The following XYLT1 variants were observed in gnomAD, a reference collection of about 807,000 sequenced individuals.
XYLT1 encodes the protein xylosyltransferase 1.
A neutral mutation model predicts 91.3 loss-of-function variants in XYLT1; 36 were observed. The ratio of observed to expected loss-of-function variants is 0.39; its 90% CI spans 0.30 to 0.52. The LOEUF is 0.52. XYLT1 is among the 20% of genes least tolerant of loss of function. XYLT1 has a pLI of 0.68. For synonymous variants in XYLT1, 588 were observed against 532.0 expected (o/e 1.11, Z -1.45); for missense variants, 1,242 against 1,284.5 (o/e 0.97, Z 0.51).
intron 5 of XYLT1, among the ~76,000 whole-genome samples, chr16:17,186,568 G>T (rs1449650484): frequency 2.0e-5 from 3 of 150,622 alleles, no homozygotes; most frequent in African/African-American, 7.4e-5. Context: ...GCCTCTCAAA[G>T]TGCTGGGATA....
intron 2 of XYLT1, among the ~76,000 whole-genome samples, chr16:17,336,029 G>A (rs147365395): frequency 1.1e-3 from 164 of 152,280 alleles, no homozygotes; most frequent in African/African-American, 3.8e-3. Context: ...CCTACGCTTT[G>A]CCTGGCTGGC....
intron 8 of XYLT1, among the ~76,000 whole-genome samples, chr16:17,136,704 C>CTTTCTCTCCAAGTTCT (rs1263012022): frequency 1.3e-5 from 2 of 152,138 alleles, no homozygotes; most frequent in Admixed American, 1.3e-4. Context: ...CCATATTATT[C>CTTTCTCTCCAAGTTCT]TTTCTCTCCA....
intron 3 of XYLT1, among the ~76,000 whole-genome samples, chr16:17,210,918 C>A (rs1279441737): frequency 6.6e-6 from 1 of 152,190 alleles, no homozygotes; most frequent in African/African-American, 2.4e-5. Context: ...CAGAATCCTG[C>A]CCCCAGAACT....
chr16:17,395,230 C>A (rs1033228789), intron 1 of XYLT1, among the ~76,000 whole-genome samples: 3 of 152,220 alleles, frequency 2.0e-5, no homozygotes, highest in African/African-American at 7.2e-5. Flanking sequence ...GGGAAAACCT[C>A]CCCCCTCATC....
At position 17,104,510 on chromosome 16, in the gene XYLT1, C is replaced by A. The variant is rs1438344351; in HGVS notation, c.*4185G>T. 6.6e-6 allele frequency: 1 copy of A among 152,158 alleles called. No individual in the cohort carries two copies. The highest frequency in any genetic ancestry group is 2.4e-5 in the African/African-American group (1 of 41,420). The allele number at this position is 152,158 out of a possible 1,614,324, so 9.4% of individuals were successfully genotyped here. On this transcript the variant is annotated 3_prime_UTR_variant, in exon 12 of 12. Transcript: ENST00000261381. ...ACATGGGCTGTTATTTTTGCCCTGA[C>A]CTGATGCTGGCTTTTTTCCTCTTCT...
chr16:17,178,826 T>TC (rs1567310067), intron 5 of XYLT1, among the ~76,000 whole-genome samples: 1 of 152,152 alleles, frequency 6.6e-6, no homozygotes. Flanking sequence ...TCCCAGAACT[T>TC]TGTGAGCTCG....
At chr16:17,401,183 G>A (rs1266702385) in intron 1 of XYLT1, among the ~76,000 whole-genome samples, 1 of 152,170 alleles carries the variant, frequency 6.6e-6, no homozygotes, top group Non-Finnish European at 1.5e-5. Flanking sequence ...GGGACACTGG[G>A]CCCTTGGGCT....
At chr16:17,193,559 T>C (rs1307125422) in intron 5 of XYLT1, 5 of 151,320 alleles carry the variant, frequency 3.3e-5, no homozygotes, top group Non-Finnish European at 5.9e-5. Context: ...CACAGGGAGG[T>C]GACGTCAAAT....
intron 5 of XYLT1, among the ~76,000 whole-genome samples, chr16:17,180,511 A>T (rs1397215252): frequency 1.3e-5 from 2 of 152,204 alleles, no homozygotes; most frequent in Non-Finnish European, 1.5e-5. Context: ...TGACTGATGA[A>T]TACAATTAAA....
chr16:17,141,201 C>T lies in XYLT1; in HGVS notation c.1539G>A (p.Leu513=). 1 of 1,614,184 alleles carries T rather than the reference C, an allele frequency of 6.2e-7. No homozygotes were observed. The highest frequency in any genetic ancestry group is 1.1e-5 in the South Asian group (1 of 91,078). Residue 513 remains leucine (L), a synonymous_variant, in exon 7 of 12, where the codon CTG becomes CTA. Transcript: ENST00000261381. ...AGTAGAACTGTTTCATCTTGGTCACCAGATCGTCTGTGGAGAAGGTCACAT... is the reference window on the plus strand; with the variant it reads ...AGTAGAACTGTTTCATCTTGGTCACTAGATCGTCTGTGGAGAAGGTCACAT... ...VEYVTFSTDD[L]VTKMKQFYSY... is the part of the protein sequence containing the mutation.
chr16:17,263,718 TC>T (rs1164068062), intron 2 of XYLT1, among the ~76,000 whole-genome samples: 1 of 152,110 alleles, frequency 6.6e-6, no homozygotes, highest in Non-Finnish European at 1.5e-5. Context: ...TCTTTTCTTT[TC>T]TTTTTTGAGA....
At chr16:17,289,010 C>G (rs2034182706) in intron 2 of XYLT1, among the ~76,000 whole-genome samples, 1 of 152,134 alleles carries the variant, frequency 6.6e-6, no homozygotes, top group Admixed American at 6.5e-5. Context: ...GGCAACCCAG[C>G]TGATAAGAGA....
rs542255405 is a variant in XYLT1 at position 17,291,485 on chromosome 16, T to G, written c.403-31987A>C. ...TCAAGTATGAACAACAGATCCTGTGTGTCCAGCCCAGAACCAATAGAGGGG... is the reference window on the plus strand; with the variant it reads ...TCAAGTATGAACAACAGATCCTGTGGGTCCAGCCCAGAACCAATAGAGGGG... On this transcript the variant is annotated intron_variant, in intron 2 of 11. Transcript: ENST00000261381. 7.2e-5 allele frequency among the ~76,000 whole-genome samples: 11 copies of G among 152,310 alleles called. No homozygotes were observed. The East Asian group carries it at 1.7e-3, about 24-fold the overall frequency.
chr16:17,180,489 G>A (rs773341667), intron 5 of XYLT1, among the ~76,000 whole-genome samples: 2 of 152,136 alleles, frequency 1.3e-5, no homozygotes, highest in Non-Finnish European at 2.9e-5. Flanking sequence ...GGCTCGGTTT[G>A]CCAAGTAATG....
At position 17,125,546 on chromosome 16, in the gene XYLT1, C is replaced by A. The variant is rs371289693; in HGVS notation, c.2223+2120G>T. Among the ~76,000 whole-genome samples, 7 of 152,042 alleles carry A rather than the reference C, an allele frequency of 4.6e-5. No homozygotes were observed. The South Asian group carries it at 8.3e-4, about 18-fold the overall frequency. ...CCTAAGGGCCTTTGTATATGCTCTTCTCTCTGCTTGGAATGCTCCAGATCT... is the reference window on the plus strand; with the variant it reads ...CCTAAGGGCCTTTGTATATGCTCTTATCTCTGCTTGGAATGCTCCAGATCT... On this transcript the variant is annotated intron_variant, in intron 10 of 11. Transcript: ENST00000261381.
At chr16:17,339,046 T>A (rs73523027) in intron 2 of XYLT1, among the ~76,000 whole-genome samples, 1,969 of 152,284 alleles carry the variant, frequency 0.013, 39 homozygotes, top group African/African-American at 0.045. Context: ...AAGAGAGAGA[T>A]AGATGGTGAC....
At chr16:17,416,127 A>G (rs2141916602) in intron 1 of XYLT1, among the ~76,000 whole-genome samples, 1 of 152,356 alleles carries the variant, frequency 6.6e-6, no homozygotes, top group Middle Eastern at 3.4e-3. Context: ...CACTCTGTAG[A>G]ATAAGATGTT....
intron 2 of XYLT1, among the ~76,000 whole-genome samples, chr16:17,293,176 C>G (rs1014786052): frequency 1.1e-4 from 16 of 152,158 alleles, no homozygotes; most frequent in African/African-American, 3.6e-4. Context: ...CGGCTACCCC[C>G]ACTGCTGCCT....
chr16:17,126,567 G>A (rs541342237), intron 10 of XYLT1, among the ~76,000 whole-genome samples: 26 of 152,264 alleles, frequency 1.7e-4, no homozygotes, highest in African/African-American at 6.3e-4. Flanking sequence ...GCTAGAGAAG[G>A]ACTGTCAAGG....
Sources: allele counts gnomAD v4.1 joint callset (sites outside exome capture counted in the v4.1 genomes callset), GRCh38; gene constraint gnomAD v4.1.1; transcripts MANE v1.5; gene names NCBI Gene and HGNC (gene_info 2026-07-23, HGNC 2026-07-21).